The following ITGB8 variants were observed in gnomAD, a reference collection of about 807,000 sequenced individuals.
ITGB8 encodes integrin beta-8.
ITGB8 carries 30 observed loss-of-function variants against 89.5 expected under a neutral mutation model. That is an observed-to-expected ratio of 0.34 (90% confidence interval 0.25 to 0.45). The LOEUF (loss-of-function observed/expected upper bound fraction) is 0.45. ITGB8 is among the 20% of genes least tolerant of loss of function. The pLI, the probability that ITGB8 is intolerant of heterozygous loss-of-function variation, is 1.00. For missense variants in ITGB8, 836 were observed against 933.3 expected (o/e 0.90, Z 1.36); for synonymous variants, 335 against 320.4 (o/e 1.05, Z -0.49).
At position 20,373,494 on chromosome 7, in the gene ITGB8, G is replaced by C. The variant is rs143135820; in HGVS notation, c.389-5557G>C. ...TAAGAAAATGTTTCAAACTTGGTTCGTTTTAATAATGTGCAAAAAGAATCT... is the reference window on the plus strand; with the variant it reads ...TAAGAAAATGTTTCAAACTTGGTTCCTTTTAATAATGTGCAAAAAGAATCT... On this transcript the variant is annotated intron_variant, in intron 3 of 13. Transcript: ENST00000222573. Among the ~76,000 whole-genome samples, 834 of 152,226 alleles carry C rather than the reference G, an allele frequency of 5.5e-3. 7 individuals carry two copies. Among genetic ancestry groups the C allele is most frequent in the Middle Eastern group, 0.017 (5 of 294 alleles).
rs77258441 is a variant in ITGB8, at chr7:20,342,094, C to T, written c.127+10161C>T. Among the ~76,000 whole-genome samples, 884 of 152,124 alleles carry T rather than the reference C, an allele frequency of 5.8e-3. 14 individuals are homozygous for T. Among genetic ancestry groups the T allele is most frequent in the African/African-American group, 0.02 (841 of 41,494 alleles). The stretch of plus-strand genomic sequence containing the variant: ...GGGATTAATCTTAATGAAAAAAAGC[C>T]CACATGCAGAACCAGAGTATTCTTG... On this transcript the variant is annotated intron_variant, in intron 1 of 13. Coordinates refer to ENST00000222573, the MANE Select transcript of ITGB8 (RefSeq NM_002214.3).
At chr7:20,392,072 T>C (rs1006971517) in intron 7 of ITGB8, among the ~76,000 whole-genome samples, 4 of 152,028 alleles carry the variant, frequency 2.6e-5, no homozygotes, top group East Asian at 1.9e-4. Flanking sequence ...TCAAGCAAAA[T>C]AGACAGCAAC....
intron 12 of ITGB8, among the ~76,000 whole-genome samples, chr7:20,407,493 A>T (rs1362966150): frequency 6.6e-6 from 1 of 152,182 alleles, no homozygotes; most frequent in East Asian, 1.9e-4. Context: ...CATTGCAACT[A>T]TTATTTCAAG....
intron 1 of ITGB8, among the ~76,000 whole-genome samples, chr7:20,357,952 T>TTGTTTTG (rs1785356076): frequency 6.6e-6 from 1 of 152,060 alleles, no homozygotes; most frequent in Non-Finnish European, 1.5e-5. Context: ...GTTATCGTTG[T>TTGTTTTG]TGTTTTGTGT....
intron 1 of ITGB8, among the ~76,000 whole-genome samples, chr7:20,343,967 G>C (rs766563251): frequency 1.3e-5 from 2 of 152,088 alleles, no homozygotes; most frequent in Non-Finnish European, 2.9e-5. Flanking sequence ...GTTATCCTTT[G>C]ATCACATTTG....
intron 8 of ITGB8, among the ~76,000 whole-genome samples, 165 bp downstream of exon 8, chr7:20,395,150 T>C (rs1395066794): frequency 6.6e-6 from 1 of 152,232 alleles, no homozygotes; most frequent in Non-Finnish European, 1.5e-5. Flanking sequence ...AACTAGCTTT[T>C]TGCTTTGGGA....
intron 3 of ITGB8, among the ~76,000 whole-genome samples, chr7:20,372,549 T>G (rs1458941558): frequency 3.9e-5 from 6 of 151,994 alleles, no homozygotes; most frequent in Admixed American, 3.9e-4. Context: ...AGACTTAAGC[T>G]ATATGAGGCT....
At chr7:20,395,554 T>C (rs1787038367) in intron 8 of ITGB8, among the ~76,000 whole-genome samples, 1 of 152,244 alleles carries the variant, frequency 6.6e-6, no homozygotes, top group African/African-American at 2.4e-5. Context: ...ATCAGTCCTA[T>C]GAAGAGTGAA....
At chr7:20,394,017 C>G (rs1424289797) in intron 7 of ITGB8, among the ~76,000 whole-genome samples, 1 of 152,166 alleles carries the variant, frequency 6.6e-6, no homozygotes, top group Non-Finnish European at 1.5e-5. Flanking sequence ...GATTTGGCAT[C>G]TCCAAAGTGT....
At chr7:20,369,445 A>G (rs1042083281) in intron 3 of ITGB8, among the ~76,000 whole-genome samples, 2 of 152,154 alleles carry the variant, frequency 1.3e-5, no homozygotes, top group Admixed American at 6.5e-5. Flanking sequence ...AAGAGAGAGA[A>G]CACACATGCA....
intron 6 of ITGB8, among the ~76,000 whole-genome samples, chr7:20,386,405 ATTTTTTTTTTTTT>A (rs759304002): frequency 3.7e-5 from 3 of 80,370 alleles, no homozygotes; most frequent in Admixed American, 1.5e-4. Flanking sequence ...CACCTGGCTA[ATTTTTTTTTTTTT>A]TTTTTTTTTT....
intron 7 of ITGB8, among the ~76,000 whole-genome samples, chr7:20,392,642 C>A (rs1387737795): frequency 6.6e-6 from 1 of 152,122 alleles, no homozygotes; most frequent in Non-Finnish European, 1.5e-5. Flanking sequence ...ACACATTGTA[C>A]CCATTAAGTG....
At position 20,331,895 on chromosome 7, in the gene ITGB8, C is replaced by T. The variant is rs934084295; in HGVS notation, c.89C>T (p.Ala30Val). Residue 30 changes from alanine (A) to valine (V), a missense_variant, in exon 1 of 14, where the codon GCC (alanine) becomes GTC (valine). Physicochemically the swap from Ala to Val is moderately conservative, Grantham distance 64. Coordinates refer to ENST00000222573, the MANE Select transcript of ITGB8 (RefSeq NM_002214.3). ...RRGPASFLWA[A>V]WVFSLVLGLG... is the part of the protein sequence containing the mutation. Reference sequence around the variant, plus strand: ...GGTCCCGCCTCGTTCCTCTGGGCAGCCTGGGTGTTTTCACTTGTTCTTGGA... The same window carrying T: ...GGTCCCGCCTCGTTCCTCTGGGCAGTCTGGGTGTTTTCACTTGTTCTTGGA... The T allele has an allele frequency of 2.0e-5, 32 of 1,614,050 alleles. No individual in the cohort carries two copies. Among genetic ancestry groups the T allele is most frequent in the Non-Finnish European group, 2.5e-5 (30 of 1,180,046 alleles).
chr7:20,350,942 G>A (rs1785093694), intron 1 of ITGB8, among the ~76,000 whole-genome samples: 1 of 152,222 alleles, frequency 6.6e-6, no homozygotes, highest in African/African-American at 2.4e-5. Context: ...TGCACTCAGT[G>A]AGGTTTTCAG....
chr7:20,412,764 A>G lies in ITGB8; in HGVS notation c.*2767A>G, dbSNP rs1469757760. The G allele has an allele frequency of 6.6e-6, 1 of 152,546 alleles. No individual in the cohort carries two copies. Among genetic ancestry groups the G allele is most frequent in the Non-Finnish European group, 1.5e-5 (1 of 67,994 alleles). 9.4% of individuals were successfully genotyped at this position (152,546 alleles called of 1,614,324 possible). A position where few individuals can be genotyped will look rare whatever the true frequency, so the allele number is the denominator to read the frequency against. On this transcript the variant is annotated 3_prime_UTR_variant, in exon 14 of 14. Coordinates refer to ENST00000222573, the MANE Select transcript of ITGB8 (RefSeq NM_002214.3). ...TTGAATAATTGATATCTTCCTGTGT[A>G]ATGATTTGTGAGATGAGAATTAATA...
chr7:20,376,655 C>G (rs1278262559), intron 3 of ITGB8, among the ~76,000 whole-genome samples: 2 of 152,102 alleles, frequency 1.3e-5, no homozygotes, highest in African/African-American at 2.4e-5. Flanking sequence ...AGCTTGACCC[C>G]TTTGGTTTCC....
At chr7:20,405,328 T>TATA (rs113047646) in intron 11 of ITGB8, among the ~76,000 whole-genome samples, 2 of 144,140 alleles carry the variant, frequency 1.4e-5, no homozygotes, top group African/African-American at 5.3e-5. Flanking sequence ...TATATATATA[T>TATA]TTTTTTTTTG....
At chr7:20,353,804 C>T (rs917907773) in intron 1 of ITGB8, among the ~76,000 whole-genome samples, 4 of 150,226 alleles carry the variant, frequency 2.7e-5, no homozygotes, top group African/African-American at 5.0e-5. Context: ...TGGTGGCGCG[C>T]GCCTGTAGTC....
chr7:20,358,058 C>CG (rs1257379919), intron 1 of ITGB8, among the ~76,000 whole-genome samples: 4 of 152,074 alleles, frequency 2.6e-5, no homozygotes, highest in African/African-American at 4.8e-5. Context: ...CTCCGCCTCC[C>CG]GAGTTCAAGC....
Sources: allele counts gnomAD v4.1 joint callset (sites outside exome capture counted in the v4.1 genomes callset), GRCh38; gene constraint gnomAD v4.1.1; transcripts MANE v1.5; gene names NCBI Gene and HGNC (gene_info 2026-07-23, HGNC 2026-07-21).